The following ADGRV1 variants were observed in gnomAD, a reference collection of about 807,000 sequenced individuals.
ADGRV1 encodes G-protein coupled receptor 98.
In ADGRV1, 359 loss-of-function variants were observed where a neutral mutation model predicts 596.2. That is an observed-to-expected ratio of 0.60 (90% confidence interval 0.55 to 0.66). ADGRV1 has a LOEUF of 0.66. ADGRV1 is among the 30% of genes least tolerant of loss of function. ADGRV1 has a pLI of 0.00. For synonymous variants in ADGRV1, 2,681 were observed against 2,679.2 expected (o/e 1.00, Z -0.02); for missense variants, 7,274 against 7,575.6 (o/e 0.96, Z 1.48).
At position 90,625,189 on chromosome 5, in the gene ADGRV1, C is replaced by G. The variant is rs1295565953; in HGVS notation, c.618C>G (p.Thr206=). Residue 206 remains threonine (T), a synonymous_variant, in exon 6 of 90, where the codon ACC becomes ACG. Coordinates refer to ENST00000405460, the MANE Select transcript of ADGRV1 (RefSeq NM_032119.4). ...EDLSPVKGNI[T]FPPGRATVIY... ...TGAGTCCAGTTAAAGGAAATATCAC[C>G]TTTCCCCCTGGCAGAGCAACAGTAA... is the stretch of plus-strand genomic sequence containing the variant. The G allele has an allele frequency of 1.9e-6, 3 of 1,613,534 alleles. No individual in the cohort carries two copies. The African/African-American group carries it at 4.0e-5, about 22-fold the overall frequency.
intron 9 of ADGRV1, chr5:90,630,370 G>T (rs867353894): frequency 4.6e-5 from 7 of 152,046 alleles, no homozygotes; most frequent in African/African-American, 1.2e-4. Flanking sequence ...TAGACTCTCT[G>T]GACCTTCAAC....
At chr5:90,662,447 C>G (rs948613315) in intron 21 of ADGRV1, among the ~76,000 whole-genome samples, 1 of 152,016 alleles carries the variant, frequency 6.6e-6, no homozygotes, top group Non-Finnish European at 1.5e-5. Context: ...CCTACCTCAG[C>G]CTCCCAAAGT....
intron 87 of ADGRV1, among the ~76,000 whole-genome samples, chr5:91,132,723 T>C (rs1036339628): frequency 2.0e-5 from 3 of 152,096 alleles, no homozygotes; most frequent in Non-Finnish European, 2.9e-5. Context: ...CATTCAAGAA[T>C]AGTGTTCCAG....
rs937612748 is a variant in ADGRV1, at chr5:90,603,266, C to T, written c.23-11569C>T. Among the ~76,000 whole-genome samples the T allele has an allele frequency of 2.0e-5, 3 of 152,214 alleles. No homozygotes were observed. The South Asian group carries it at 6.2e-4, about 32-fold the overall frequency. The stretch of plus-strand genomic sequence containing the variant: ...GTGTTGTAATTCATTTCTCTTCTGA[C>T]CTTGAAGTCCATGATGAGTTTTCAT... On this transcript the variant is annotated intron_variant, in intron 1 of 89. Coordinates refer to ENST00000405460, the MANE Select transcript of ADGRV1 (RefSeq NM_032119.4).
chr5:90,571,223 TA>T (rs996391579), intron 1 of ADGRV1, among the ~76,000 whole-genome samples: 3 of 151,986 alleles, frequency 2.0e-5, no homozygotes, highest in African/African-American at 7.2e-5. Flanking sequence ...TGGGAAACAG[TA>T]AGTCTCCCAG....
At chr5:90,956,941 G>C (rs1211474459) in intron 83 of ADGRV1, among the ~76,000 whole-genome samples, 5 of 152,038 alleles carry the variant, frequency 3.3e-5, no homozygotes, top group Non-Finnish European at 7.4e-5. Flanking sequence ...AGTATTGACA[G>C]AATATTCCTG....
chr5:91,035,861 T>TAAAATATATATATATATATA, intron 85 of ADGRV1, among the ~76,000 whole-genome samples: 1 of 96,402 alleles, frequency 1.0e-5, no homozygotes, highest in Non-Finnish European at 2.2e-5. Context: ...TATATATATA[T>TAAAATATATATATATATATA]TATATATATA....
intron 52 of ADGRV1, among the ~76,000 whole-genome samples, chr5:90,748,813 G>GTTTTTTT (rs10700327): frequency 0.023 from 3,330 of 141,852 alleles, 184 homozygotes; most frequent in African/African-American, 0.086. Context: ...CTATCATCAA[G>GTTTTTTT]TTTTTTTTTG....
At chr5:90,651,284 A>G (rs908421592) in intron 17 of ADGRV1, among the ~76,000 whole-genome samples, 1 of 152,326 alleles carries the variant, frequency 6.6e-6, no homozygotes, top group South Asian at 2.1e-4. Flanking sequence ...TATTGAAGGT[A>G]TATTCCTTTT....
At chr5:90,730,224 A>AT (rs1284862853) in intron 50 of ADGRV1, among the ~76,000 whole-genome samples, 1 of 152,024 alleles carries the variant, frequency 6.6e-6, no homozygotes, top group Non-Finnish European at 1.5e-5. Flanking sequence ...AAATCCTATA[A>AT]TTTTTTGAAA....
In ADGRV1 at chr5:90,679,560, T is replaced by G. The variant is rs1163606902; in HGVS notation, c.5455T>G (p.Phe1819Val). 3.1e-6 allele frequency: 5 copies of G among 1,613,292 alleles called. No individual in the cohort carries two copies. ...GTCTCCTTGTGAAGTAGCTGAACTC[T>G]TTAGGGTTGATGGAAGTGGTAGTGG... ...LNLEGGVAELFRVDGSGSGDG... is the reference protein window; with the variant it reads ...LNLEGGVAELVRVDGSGSGDG... Residue 1819 changes from phenylalanine (F) to valine (V), a missense_variant, in exon 26 of 90, where the codon TTT (phenylalanine) becomes GTT (valine). Coordinates refer to ENST00000405460, the MANE Select transcript of ADGRV1 (RefSeq NM_032119.4).
Position 90,854,200 on chromosome 5 carries a change from A to G in ADGRV1, c.17593A>G (p.Ser5865Gly). 6.5e-7 allele frequency: 1 copy of G among 1,538,964 alleles called. No individual in the cohort carries two copies. Among genetic ancestry groups the G allele is most frequent in the Non-Finnish European group, 8.8e-7 (1 of 1,142,722 alleles). ...LCLLWNQAAA[S>G]WLSDSQFCKV... ...TCTCCTTTGGAATCAGGCTGCTGCAAGGTACTTATTAATAAAATAAAAAAA... is the reference window on the plus strand; with the variant it reads ...TCTCCTTTGGAATCAGGCTGCTGCAGGGTACTTATTAATAAAATAAAAAAA... The change falls in exon 81 of 90, where the codon AGC (serine) becomes GGC (glycine). Residue 5865 changes from serine (S) to glycine (G), a missense_variant and splice_region_variant. By Grantham distance (56) the Ser-to-Gly change is moderately conservative (BLOSUM62 0). Transcript: ENST00000405460.
In ADGRV1 at chr5:90,965,491, A is replaced by G. The variant is rs756460900; in HGVS notation, c.17933A>G (p.His5978Arg). 9 of 1,613,440 alleles carry G rather than the reference A, an allele frequency of 5.6e-6. No homozygotes were observed. The highest frequency in any genetic ancestry group is 1.3e-5 in the African/African-American group (1 of 74,922). The change falls in exon 84 of 90, where the codon CAT becomes CGT. Residue 5978 changes from histidine to arginine, a missense_variant. Around this residue, in one of 5 missense-constraint regions of ADGRV1, gnomAD observed 1,874 missense variants for 1,970.2 expected, o/e 0.95. Coordinates refer to ENST00000405460, the MANE Select transcript of ADGRV1 (RefSeq NM_032119.4). ...TGTTCAGCTATGGCTGCTGTCACACATTACCTGTATCTTTGCCAGTTTAGC... is the reference window on the plus strand; with the variant it reads ...TGTTCAGCTATGGCTGCTGTCACACGTTACCTGTATCTTTGCCAGTTTAGC... ...ESCSAMAAVTHYLYLCQFSWM... is the reference protein window; with the variant it reads ...ESCSAMAAVTRYLYLCQFSWM...
At chr5:91,095,878 G>A (rs181287468) in intron 86 of ADGRV1, among the ~76,000 whole-genome samples, 70 of 151,748 alleles carry the variant, frequency 4.6e-4, no homozygotes, top group African/African-American at 1.5e-3. Flanking sequence ...CACCTCCCAG[G>A]TTCGTGTCAT....
intron 77 of ADGRV1, among the ~76,000 whole-genome samples, chr5:90,829,617 C>T (rs1213561388): frequency 6.6e-6 from 1 of 152,110 alleles, no homozygotes; most frequent in Non-Finnish European, 1.5e-5. Flanking sequence ...TCCATGTGTT[C>T]ACAAAGCCTC....
intron 83 of ADGRV1, among the ~76,000 whole-genome samples, chr5:90,911,539 G>A (rs1468753025): frequency 6.6e-6 from 1 of 152,156 alleles, no homozygotes; most frequent in Non-Finnish European, 1.5e-5. Context: ...AGGTTTACCT[G>A]AAAGGAAAAT....
intron 85 of ADGRV1, among the ~76,000 whole-genome samples, chr5:91,053,973 G>GATC (rs1786582489): frequency 6.6e-6 from 1 of 152,122 alleles, no homozygotes; most frequent in South Asian, 2.1e-4. Flanking sequence ...TGGGTTTTCC[G>GATC]TTAGCATAAG....
intron 65 of ADGRV1, 131 bp downstream of exon 65, chr5:90,781,709 T>C: frequency 1.3e-6 from 1 of 752,312 alleles, no homozygotes; most frequent in Non-Finnish European, 2.1e-6. Context: ...TATACACTTT[T>C]ATATTTATTT....
intron 29 of ADGRV1, among the ~76,000 whole-genome samples, 173 bp downstream of exon 29, chr5:90,686,168 G>T (rs1009184424): frequency 1.3e-5 from 2 of 149,964 alleles, no homozygotes; most frequent in East Asian, 2.0e-4. Flanking sequence ...TTTTTGGGGG[G>T]GGGGATGGAG....
Sources: allele counts gnomAD v4.1 joint callset (sites outside exome capture counted in the v4.1 genomes callset), GRCh38; gene constraint gnomAD v4.1.1; regional missense constraint gnomAD v4.1.1; transcripts MANE v1.5; gene names NCBI Gene and HGNC (gene_info 2026-07-23, HGNC 2026-07-21).